The following ELAPOR1 variants were observed in gnomAD, a reference collection of about 807,000 sequenced individuals.
The protein encoded by ELAPOR1 is endosome-lysosome associated apoptosis and autophagy regulator 1.
Under a neutral mutation model 119.7 loss-of-function variants are expected in ELAPOR1, and 77 were observed. That is an observed-to-expected ratio of 0.64 (90% CI 0.54 to 0.78). ELAPOR1 has a LOEUF of 0.78. ELAPOR1 is among the 30% of genes least tolerant of loss of function. The pLI, the probability that ELAPOR1 is intolerant of heterozygous loss-of-function variation, is 0.00. For synonymous variants in ELAPOR1, 481 were observed against 487.2 expected (o/e 0.99, Z 0.17); for missense variants, 1,115 against 1,270.4 (o/e 0.88, Z 1.86).
chr1:109,162,728 C>A (rs1651338035), intron 2 of ELAPOR1, among the ~76,000 whole-genome samples: 1 of 152,192 alleles, frequency 6.6e-6, no homozygotes, highest in South Asian at 2.1e-4. Context: ...AGTACAGTGC[C>A]TGGTTGAGTA....
intron 3 of ELAPOR1, among the ~76,000 whole-genome samples, chr1:109,169,495 C>T (rs939895852): frequency 1.1e-4 from 16 of 152,206 alleles, no homozygotes; most frequent in African/African-American, 3.6e-4. Flanking sequence ...GTGATCCACC[C>T]GCCTCAGCCT....
chr1:109,146,931 A>G (rs1435581635), intron 1 of ELAPOR1, among the ~76,000 whole-genome samples: 1 of 151,446 alleles, frequency 6.6e-6, no homozygotes, highest in Admixed American at 6.6e-5. Context: ...TTCAAGACAG[A>G]GACTCACTTT....
intron 1 of ELAPOR1, among the ~76,000 whole-genome samples, chr1:109,124,086 G>C (rs1648621884): frequency 6.6e-6 from 1 of 152,182 alleles, no homozygotes. Flanking sequence ...ACAGGTGTGA[G>C]CCACCATGTC....
intron 1 of ELAPOR1, among the ~76,000 whole-genome samples, chr1:109,159,042 C>T (rs1570658846): frequency 1.3e-5 from 2 of 151,950 alleles, no homozygotes; most frequent in South Asian, 4.1e-4. Context: ...GGATTACAGG[C>T]GCGTGCCACC....
chr1:109,198,217 C>A, intron 17 of ELAPOR1, 142 bp downstream of exon 17: 1 of 696,478 alleles, frequency 1.4e-6, no homozygotes, highest in Non-Finnish European at 2.5e-6. Context: ...GTCATGATAG[C>A]TAAGGGCTGG....
At chr1:109,192,194 A>G (rs944312092) in intron 13 of ELAPOR1, among the ~76,000 whole-genome samples, 10 of 152,250 alleles carry the variant, frequency 6.6e-5, no homozygotes, top group Admixed American at 1.3e-4. Context: ...ATTGCAGAAG[A>G]CACAGAAAAT....
chr1:109,171,979 A>G lies in ELAPOR1; in HGVS notation c.581A>G (p.Tyr194Cys), dbSNP rs1651955951. The G allele has an allele frequency of 2.5e-6, 4 of 1,614,032 alleles. No individual in the cohort carries two copies. Among genetic ancestry groups the G allele is most frequent in the South Asian group, 1.1e-5 (1 of 91,084 alleles). The change falls in exon 4 of 22, where the codon TAC becomes TGC. Residue 194 changes from tyrosine to cysteine, a missense_variant. By Grantham distance (194) the Tyr-to-Cys change is radical. Transcript: ENST00000369939. Reference sequence around the variant, plus strand: ...TCTGGCACCGTTAACTTCGAATACTACTATCCAGACTCCAGCATCATCTTT... The same window carrying G: ...TCTGGCACCGTTAACTTCGAATACTGCTATCCAGACTCCAGCATCATCTTT... The part of the protein sequence containing the change: ...KQSGTVNFEY[Y>C]YPDSSIIFEF...
At chr1:109,170,746 G>A (rs568773701) in intron 3 of ELAPOR1, among the ~76,000 whole-genome samples, 4 of 152,308 alleles carry the variant, frequency 2.6e-5, no homozygotes, top group Non-Finnish European at 2.9e-5. Context: ...GGATCTGTCC[G>A]CTGGGCTGCA....
chr1:109,189,546 T>G (rs1653293700), intron 10 of ELAPOR1, 46 bp from the exon 11 acceptor site: 2 of 1,546,498 alleles, frequency 1.3e-6, no homozygotes, highest in Admixed American at 1.7e-5. Flanking sequence ...CACATTTGCC[T>G]TGCACCCAAG....
intron 1 of ELAPOR1, among the ~76,000 whole-genome samples, chr1:109,133,361 A>G (rs1026900995): frequency 6.6e-6 from 1 of 152,256 alleles, no homozygotes; most frequent in African/African-American, 2.4e-5. Flanking sequence ...AAGCCAAAAA[A>G]AAAAAAATTA....
intron 1 of ELAPOR1, among the ~76,000 whole-genome samples, chr1:109,139,891 C>T (rs1649721839): frequency 6.6e-6 from 1 of 152,060 alleles, no homozygotes; most frequent in African/African-American, 2.4e-5. Flanking sequence ...CCCACCTTAC[C>T]CTCCCAAGTA....
intron 1 of ELAPOR1, among the ~76,000 whole-genome samples, chr1:109,138,804 A>C (rs1314485178): frequency 1.4e-5 from 2 of 138,774 alleles, no homozygotes; most frequent in Non-Finnish European, 3.0e-5. Context: ...ATTGCACTCT[A>C]GCCTGGGCAA....
chr1:109,128,672 TAAA>T (rs1024775740), intron 1 of ELAPOR1, among the ~76,000 whole-genome samples: 1 of 152,230 alleles, frequency 6.6e-6, no homozygotes, highest in African/African-American at 2.4e-5. Flanking sequence ...GCCATTGGGT[TAAA>T]AAAGTATTAA....
At chr1:109,169,546 C>T (rs1049457239) in intron 3 of ELAPOR1, among the ~76,000 whole-genome samples, 1 of 152,130 alleles carries the variant, frequency 6.6e-6, no homozygotes, top group African/African-American at 2.4e-5. Context: ...ACCACGCCCA[C>T]CCAACTGGCC....
intron 1 of ELAPOR1, among the ~76,000 whole-genome samples, chr1:109,125,829 CT>C (rs772632525): frequency 1.3e-5 from 2 of 152,152 alleles, no homozygotes; most frequent in African/African-American, 2.4e-5. Context: ...GAGCAATGGA[CT>C]TTTTTTCCAG....
chr1:109,137,556 T>C (rs999257829), intron 1 of ELAPOR1, among the ~76,000 whole-genome samples: 1 of 148,278 alleles, frequency 6.7e-6, no homozygotes, highest in Non-Finnish European at 1.5e-5. Flanking sequence ...AGGCGGAGTT[T>C]CGCTCTTGTT....
chr1:109,201,120 T>C (rs1312543581), intron 21 of ELAPOR1, among the ~76,000 whole-genome samples: 1 of 152,224 alleles, frequency 6.6e-6, no homozygotes, highest in Non-Finnish European at 1.5e-5. Flanking sequence ...ATCAGGCTCC[T>C]TCTCTCTCAA....
chr1:109,126,701 C>T (rs761042887), intron 1 of ELAPOR1, among the ~76,000 whole-genome samples: 1 of 152,140 alleles, frequency 6.6e-6, no homozygotes, highest in African/African-American at 2.4e-5. Context: ...AAACTCCTGA[C>T]CTCAAGTGAT....
At chr1:109,141,368 TCTC>T (rs1649814914) in intron 1 of ELAPOR1, among the ~76,000 whole-genome samples, 1 of 151,322 alleles carries the variant, frequency 6.6e-6, no homozygotes, top group Admixed American at 6.6e-5. Context: ...TTCACACCAT[TCTC>T]CTGCCTCAGC....
Sources: gnomAD v4.1 joint callset for allele counts (sites outside exome capture counted in the v4.1 genomes callset) on GRCh38, gnomAD v4.1.1 for gene constraint, MANE v1.5 for transcripts, NCBI Gene and HGNC (gene_info 2026-07-23, HGNC 2026-07-21) for gene names.